KAT6B: variants seen among roughly 807,000 people sequenced by gnomAD.
KAT6B encodes the protein histone acetyltransferase KAT6B.
In KAT6B, 10 loss-of-function variants were observed where a neutral mutation model predicts 187.5. The observed-to-expected ratio is 0.05, with a 90% CI of 0.03 to 0.09. The LOEUF (loss-of-function observed/expected upper bound fraction) is 0.09. Among genes scored for constraint, KAT6B ranks in the 10% least tolerant of loss-of-function variants. The pLI is 1.00. For synonymous variants in KAT6B, 861 were observed against 926.8 expected (o/e 0.93, Z 1.29); for missense variants, 1,952 against 2,558.9 (o/e 0.76, Z 5.12).
chr10:74,975,669 A>G lies in KAT6B; in HGVS notation c.1332A>G (p.Pro444=). The change falls in exon 8 of 18, where the codon CCA becomes CCG. Residue 444 remains proline (P), a synonymous_variant. Transcript: ENST00000287239. ...ATGGCCTTACTAAGTTTTTTACACC[A>G]TCACCTGATGGTCGCAGATCACGAG... ...LIDGLTKFFT[P]SPDGRRSRGE... The G allele has an allele frequency of 1.2e-6, 2 of 1,614,198 alleles. No homozygotes were observed. The highest frequency in any genetic ancestry group is 1.7e-6 in the Non-Finnish European group (2 of 1,180,040).
At chr10:74,854,333 A>G (rs1287269212) in intron 3 of KAT6B, among the ~76,000 whole-genome samples, 2 of 152,230 alleles carry the variant, frequency 1.3e-5, no homozygotes, top group Non-Finnish European at 2.9e-5. Flanking sequence ...GTGAAATGCT[A>G]ACTGTACATA....
At chr10:74,966,008 G>A (rs1180209012) in intron 4 of KAT6B, among the ~76,000 whole-genome samples, 3 of 151,750 alleles carry the variant, frequency 2.0e-5, no homozygotes, top group African/African-American at 7.3e-5. Flanking sequence ...GTTCTGGGAA[G>A]GAGAGGATCC....
At position 75,009,160 on chromosome 10, in the gene KAT6B, A is replaced by G. The variant is rs11001242; in HGVS notation, c.2630-11422A>G. 4.1e-3 allele frequency among the ~76,000 whole-genome samples: 629 copies of G among 152,316 alleles called. 5 individuals carry two copies. Among genetic ancestry groups the G allele is most frequent in the African/African-American group, 0.015 (609 of 41,558 alleles). Reference sequence around the variant, plus strand: ...ATTGCAGTGTGATTGATTCCTTGCAATGTAGCATATTGAATTCATTTTTTA... The same window carrying G: ...ATTGCAGTGTGATTGATTCCTTGCAGTGTAGCATATTGAATTCATTTTTTA... On this transcript the variant is annotated intron_variant, in intron 13 of 17. Coordinates refer to ENST00000287239, the MANE Select transcript of KAT6B (RefSeq NM_012330.4).
intron 6 of KAT6B, among the ~76,000 whole-genome samples, chr10:74,972,226 G>C (rs997049408): frequency 5.3e-5 from 8 of 151,996 alleles, no homozygotes; most frequent in African/African-American, 1.4e-4. Context: ...GAGTTTTCAT[G>C]TGTGTTTATG....
rs138499019 is a variant in KAT6B, at chr10:75,030,425, C to A, written c.5601C>A (p.Ser1867=). The part of the protein sequence containing the change: ...GLVQLSQSPH[S]VPGGPQAQAT... ...TTCAACTTTCTCAGTCTCCACACTC[C>A]GTCCCTGGGGGACCCCAAGCACAAG... Residue 1867 remains serine (S), a synonymous_variant, in exon 18 of 18, where the codon TCC becomes TCA. Coordinates refer to ENST00000287239, the MANE Select transcript of KAT6B (RefSeq NM_012330.4). The surrounding 1 kb of genome is among the most constrained non-coding windows in gnomAD (Gnocchi z 4.8). The A allele has an allele frequency of 6.2e-7, 1 of 1,614,216 alleles. No individual in the cohort carries two copies. Among genetic ancestry groups the A allele is most frequent in the South Asian group, 1.1e-5 (1 of 91,086 alleles).
At chr10:74,831,783 G>A (rs1027132423) in intron 1 of KAT6B, among the ~76,000 whole-genome samples, 1 of 152,178 alleles carries the variant, frequency 6.6e-6, no homozygotes, top group Non-Finnish European at 1.5e-5. Flanking sequence ...CCTCTTAACG[G>A]TTCTGTAAAA....
intron 3 of KAT6B, among the ~76,000 whole-genome samples, chr10:74,936,902 C>T (rs947950692): frequency 6.6e-6 from 1 of 152,172 alleles, no homozygotes; most frequent in Non-Finnish European, 1.5e-5. Flanking sequence ...AGGAGGATGG[C>T]ATGAGAAGGG....
intron 3 of KAT6B, among the ~76,000 whole-genome samples, chr10:74,882,281 A>C (rs1414157222): frequency 1.3e-5 from 2 of 151,938 alleles, no homozygotes; most frequent in African/African-American, 4.8e-5. Flanking sequence ...TCATCCTAAA[A>C]CTGTCTGATG....
chr10:74,950,324 T>C (rs1452945564), intron 3 of KAT6B, among the ~76,000 whole-genome samples: 1 of 152,166 alleles, frequency 6.6e-6, no homozygotes, highest in African/African-American at 2.4e-5. Flanking sequence ...CCCCGAAGGA[T>C]GTGAAGTAGA....
At chr10:74,915,878 T>G (rs1012263889) in intron 3 of KAT6B, among the ~76,000 whole-genome samples, 1 of 152,160 alleles carries the variant, frequency 6.6e-6, no homozygotes, top group Non-Finnish European at 1.5e-5. Flanking sequence ...TAAAAATCTA[T>G]AATTTTGGCT....
At chr10:74,995,406 T>G (rs1843362226) in intron 13 of KAT6B, among the ~76,000 whole-genome samples, 1 of 152,224 alleles carries the variant, frequency 6.6e-6, no homozygotes, top group Non-Finnish European at 1.5e-5. Flanking sequence ...AACATGATTT[T>G]AAAAATGGAA....
At chr10:74,944,775 C>G (rs12265422) in intron 3 of KAT6B, among the ~76,000 whole-genome samples, 1 of 142,916 alleles carries the variant, frequency 7.0e-6, no homozygotes, top group African/African-American at 2.6e-5. Flanking sequence ...CGCCACTGCA[C>G]TCCAGCCCGG....
intron 3 of KAT6B, among the ~76,000 whole-genome samples, chr10:74,844,247 G>A (rs1841946978): frequency 6.6e-6 from 1 of 151,658 alleles, no homozygotes; most frequent in Non-Finnish European, 1.5e-5. Flanking sequence ...TGCCCAGGCT[G>A]GAGTGCAGTG....
chr10:74,861,736 C>T (rs1372712687), intron 3 of KAT6B, among the ~76,000 whole-genome samples: 1 of 152,074 alleles, frequency 6.6e-6, no homozygotes, highest in East Asian at 1.9e-4. Context: ...TAAACATGAG[C>T]CTTTAAGTGC....
chr10:74,863,422 C>T (rs1469826801), intron 3 of KAT6B, among the ~76,000 whole-genome samples: 2 of 152,148 alleles, frequency 1.3e-5, no homozygotes, highest in Non-Finnish European at 2.9e-5. Context: ...AATACCGCTA[C>T]TAAAAATTTG....
chr10:75,028,594 C>G lies in KAT6B; in HGVS notation c.3770C>G (p.Ser1257Cys), dbSNP rs1424209939. ...CCAAAAGGAACAAAGCGCGGTCTAT[C>G]TAAGTGGAGGCAAAACAAAGAGAGG... ...VWPKGTKRGL[S>C]KWRQNKERKT... is the part of the protein sequence containing the mutation. The change falls in exon 18 of 18, where the codon TCT becomes TGT. Residue 1257 changes from serine (S) to cysteine (C), a missense_variant. By Grantham distance (112) the Ser-to-Cys change is moderately radical. Transcript: ENST00000287239. 1 of 1,614,212 alleles carries G rather than the reference C, an allele frequency of 6.2e-7. No individual in the cohort carries two copies. The highest frequency in any genetic ancestry group is 8.5e-7 in the Non-Finnish European group (1 of 1,180,050).
At chr10:74,979,997 A>G (rs1842405845) in intron 10 of KAT6B, among the ~76,000 whole-genome samples, 1 of 152,134 alleles carries the variant, frequency 6.6e-6, no homozygotes, top group South Asian at 2.1e-4. Flanking sequence ...CATCTCTACT[A>G]AAAATACAAA....
At chr10:75,024,513 T>C (rs1845668306) in intron 16 of KAT6B, among the ~76,000 whole-genome samples, 1 of 152,250 alleles carries the variant, frequency 6.6e-6, no homozygotes, top group Admixed American at 6.5e-5. Context: ...GTCCACATAG[T>C]GGGTGCTCCT....
chr10:75,005,230 T>C (rs943039680), intron 13 of KAT6B, among the ~76,000 whole-genome samples: 5 of 151,746 alleles, frequency 3.3e-5, no homozygotes, highest in African/African-American at 7.3e-5. Context: ...TTTTTTTTTT[T>C]CTTTTGAGAC....
Sources: allele counts gnomAD v4.1 joint callset (sites outside exome capture counted in the v4.1 genomes callset), GRCh38; gene constraint gnomAD v4.1.1; non-coding constraint Gnocchi (gnomAD v3.1); transcripts MANE v1.5; gene names NCBI Gene and HGNC (gene_info 2026-07-23, HGNC 2026-07-21).